Variants in CNBD1 observed in about 807,000 individuals in gnomAD.
CNBD1 encodes cyclic nucleotide-binding domain-containing protein 1.
CNBD1 carries 71 observed loss-of-function variants against 54.4 expected under a neutral mutation model. The observed-to-expected ratio is 1.30, with a 90% CI of 1.08 to 1.59. CNBD1 has a LOEUF of 1.59. Among genes scored for constraint, CNBD1 ranks in the 40% most tolerant of loss-of-function variants. CNBD1 has a pLI of 0.00. For synonymous variants in CNBD1, 182 were observed against 170.7 expected (o/e 1.07, Z -0.51); for missense variants, 659 against 518.0 (o/e 1.27, Z -2.64).
chr8:87,295,487 CA>C (rs1808861922), intron 8 of CNBD1, among the ~76,000 whole-genome samples: 1 of 151,722 alleles, frequency 6.6e-6, no homozygotes, highest in Admixed American at 6.6e-5. Context: ...TTAATTAATT[CA>C]AATCCCTCAG....
intron 4 of CNBD1, among the ~76,000 whole-genome samples, chr8:87,102,842 CT>C (rs1357231069): frequency 3.9e-5 from 6 of 152,040 alleles, no homozygotes; most frequent in Admixed American, 6.6e-5. Context: ...TCTCAATCTC[CT>C]GACTTCGTGA....
At chr8:87,260,818 A>G (rs1387526895) in intron 6 of CNBD1, among the ~76,000 whole-genome samples, 1 of 151,996 alleles carries the variant, frequency 6.6e-6, no homozygotes, top group Non-Finnish European at 1.5e-5. Context: ...TCATTTCTGT[A>G]AGACTTTACT....
intron 4 of CNBD1, among the ~76,000 whole-genome samples, chr8:87,153,241 C>T (rs1703240680): frequency 6.6e-6 from 1 of 152,120 alleles, no homozygotes; most frequent in Non-Finnish European, 1.5e-5. Context: ...AAGAAAATTG[C>T]ATATTGTGTC....
At chr8:87,199,575 T>A (rs1813808352) in intron 4 of CNBD1, among the ~76,000 whole-genome samples, 1 of 152,218 alleles carries the variant, frequency 6.6e-6, no homozygotes, top group South Asian at 2.1e-4. Context: ...AGCCAATGTT[T>A]AAAGTACACA....
intron 4 of CNBD1, among the ~76,000 whole-genome samples, chr8:87,062,510 G>T (rs1184384347): frequency 6.6e-6 from 1 of 152,092 alleles, no homozygotes; most frequent in Non-Finnish European, 1.5e-5. Flanking sequence ...GGCCAAGGTG[G>T]GTGAATCACC....
At position 87,319,744 on chromosome 8, in the gene CNBD1, G is replaced by A. The variant is rs149070721; in HGVS notation, c.1043-31941G>A. ...ATTGAAAAATAATAATGCTCTATAA[G>A]AATAAAATTAACAGTGAAAGTAGTA... On this transcript the variant is annotated intron_variant, in intron 8 of 10. Coordinates refer to ENST00000518476, the MANE Select transcript of CNBD1 (RefSeq NM_173538.3). 4.6e-5 allele frequency among the ~76,000 whole-genome samples: 7 copies of A among 151,928 alleles called. No individual in the cohort carries two copies. The East Asian group carries it at 1.4e-3, about 29-fold the overall frequency.
chr8:87,296,797 T>G (rs1808884458), intron 8 of CNBD1, among the ~76,000 whole-genome samples: 1 of 152,088 alleles, frequency 6.6e-6, no homozygotes, highest in African/African-American at 2.4e-5. Context: ...ATATATGGTT[T>G]GAGGAAGTAT....
At chr8:87,236,461 A>G (rs527469652) in intron 5 of CNBD1, among the ~76,000 whole-genome samples, 50 of 152,166 alleles carry the variant, frequency 3.3e-4, no homozygotes, top group Admixed American at 5.9e-4. Flanking sequence ...TCTATAAGTG[A>G]TTGTCATCAT....
At chr8:87,419,542 CA>C (rs1267117054) in intron 2 of CNBD1, among the ~76,000 whole-genome samples, 3 of 151,708 alleles carry the variant, frequency 2.0e-5, no homozygotes, top group Non-Finnish European at 4.4e-5. Flanking sequence ...AAACTCATTT[CA>C]AAAAATTTCA....
intron 3 of CNBD1, among the ~76,000 whole-genome samples, chr8:86,920,445 C>A (rs796988694): frequency 3.2e-4 from 48 of 152,220 alleles, no homozygotes; most frequent in African/African-American, 1.1e-3. Context: ...ATATAACTTA[C>A]AATAATTTGG....
rs183612736 is a variant in CNBD1 at position 87,211,855 on chromosome 8, A to G, written c.577+5717A>G. The stretch of plus-strand genomic sequence containing the variant: ...ACCTAACACATGCTATATTATAGAA[A>G]CTCATATAACTTAGATATAATGAAC... On this transcript the variant is annotated intron_variant, in intron 5 of 10. Coordinates refer to ENST00000518476, the MANE Select transcript of CNBD1 (RefSeq NM_173538.3). Among the ~76,000 whole-genome samples, 311 of 152,308 alleles carry G rather than the reference A, an allele frequency of 2.0e-3. 1 individual carries two copies. The highest frequency in any genetic ancestry group is 7.0e-3 in the African/African-American group (292 of 41,552).
At chr8:87,079,038 G>A (rs2130662378) in intron 4 of CNBD1, among the ~76,000 whole-genome samples, 1 of 147,380 alleles carries the variant, frequency 6.8e-6, no homozygotes, top group Non-Finnish European at 1.5e-5. Context: ...CTAGACCCAG[G>A]AAACTACCAA....
chr8:87,308,761 C>T (rs1397815776), intron 8 of CNBD1, among the ~76,000 whole-genome samples: 1 of 152,016 alleles, frequency 6.6e-6, no homozygotes, highest in Non-Finnish European at 1.5e-5. Context: ...CCCTTCCTAG[C>T]CTCTCATATT....
chr8:87,268,906 T>G (rs911332165), intron 6 of CNBD1, among the ~76,000 whole-genome samples: 1 of 152,162 alleles, frequency 6.6e-6, no homozygotes, highest in African/African-American at 2.4e-5. Flanking sequence ...TCTTTTGTTG[T>G]GTAGAAGCTC....
intron 8 of CNBD1, 88 bp downstream of exon 8, chr8:87,286,759 A>G: frequency 2.4e-6 from 2 of 836,750 alleles, no homozygotes; most frequent in Non-Finnish European, 3.7e-6. Context: ...ATTTTATACA[A>G]TATTTCTTCA....
intron 8 of CNBD1, among the ~76,000 whole-genome samples, chr8:87,319,776 G>T (rs1364442388): frequency 6.6e-6 from 1 of 151,984 alleles, no homozygotes; most frequent in Non-Finnish European, 1.5e-5. Flanking sequence ...AGTAGGGTTT[G>T]AATTAACCAT....
intron 4 of CNBD1, among the ~76,000 whole-genome samples, chr8:87,066,729 T>TA (rs1322453752): frequency 1.3e-5 from 2 of 151,948 alleles, no homozygotes; most frequent in Non-Finnish European, 2.9e-5. Flanking sequence ...ATAAATTCTG[T>TA]AAAAATTGCT....
At chr8:87,033,788 A>C (rs1187901286) in intron 4 of CNBD1, among the ~76,000 whole-genome samples, 1 of 151,178 alleles carries the variant, frequency 6.6e-6, no homozygotes, top group Non-Finnish European at 1.5e-5. Flanking sequence ...TCTCTTGGTC[A>C]ACAGAAGCTG....
At chr8:87,064,573 A>AT (rs533476165) in intron 4 of CNBD1, among the ~76,000 whole-genome samples, 3 of 151,680 alleles carry the variant, frequency 2.0e-5, no homozygotes, top group African/African-American at 4.8e-5. Flanking sequence ...TCAATATTAC[A>AT]TTTTTTTGAC....
Sources: gnomAD v4.1 joint callset for allele counts (sites outside exome capture counted in the v4.1 genomes callset) on GRCh38, gnomAD v4.1.1 for gene constraint, MANE v1.5 for transcripts, NCBI Gene and HGNC (gene_info 2026-07-23, HGNC 2026-07-21) for gene names.